The following CTIF variants were observed in gnomAD, a reference collection of about 807,000 sequenced individuals.
CTIF encodes CBP80/20-dependent translation initiation factor.
In CTIF, 21 loss-of-function variants were observed where a neutral mutation model predicts 66.0. The observed-to-expected ratio is 0.32, with a 90% CI of 0.23 to 0.46. CTIF has a LOEUF of 0.46. CTIF is among the 20% of genes least tolerant of loss of function. The pLI, the probability that CTIF is intolerant of heterozygous loss-of-function variation, is 1.00. For missense variants in CTIF, 739 were observed against 812.7 expected (o/e 0.91, Z 1.10); for synonymous variants, 345 against 326.4 (o/e 1.06, Z -0.62).
intron 2 of CTIF, among the ~76,000 whole-genome samples, chr18:48,629,498 G>T (rs1352956786): frequency 1.3e-5 from 2 of 152,010 alleles, no homozygotes; most frequent in Non-Finnish European, 2.9e-5. Flanking sequence ...CAGACATGAT[G>T]CCCCTGTATC....
intron 1 of CTIF, among the ~76,000 whole-genome samples, chr18:48,592,189 T>G (rs1271395436): frequency 5.9e-5 from 9 of 151,926 alleles, no homozygotes; most frequent in Non-Finnish European, 7.4e-5. Context: ...GACCCCAGCT[T>G]CCTGGGTTGG....
rs116796293 is a variant in CTIF, at chr18:48,844,523, G to A, written c.1528-13065G>A. Among the ~76,000 whole-genome samples, 874 of 152,290 alleles carry A rather than the reference G, an allele frequency of 5.7e-3. 9 individuals carry two copies. Among genetic ancestry groups the A allele is most frequent in the African/African-American group, 0.02 (828 of 41,558 alleles). Reference sequence around the variant, plus strand: ...TTTGTACGGGGTGGTTTGCAAGCCCGGCAGGAAGGAGGCTAATTATTCCCT... The same window carrying A: ...TTTGTACGGGGTGGTTTGCAAGCCCAGCAGGAAGGAGGCTAATTATTCCCT... On this transcript the variant is annotated intron_variant, in intron 10 of 11. Transcript: ENST00000256413.
At chr18:48,654,476 A>G (rs1034643789) in intron 3 of CTIF, among the ~76,000 whole-genome samples, 3 of 152,248 alleles carry the variant, frequency 2.0e-5, no homozygotes, top group African/African-American at 7.2e-5. Context: ...AGGAAATAAC[A>G]GATGCTGGAG....
chr18:48,681,064 C>T (rs761735612), intron 6 of CTIF, among the ~76,000 whole-genome samples: 1 of 152,238 alleles, frequency 6.6e-6, no homozygotes, highest in Non-Finnish European at 1.5e-5. Context: ...CACACTGACT[C>T]TTACTGGCTG....
At chr18:48,826,629 T>C (rs2068587591) in intron 10 of CTIF, 1 of 152,300 alleles carries the variant, frequency 6.6e-6, no homozygotes. Context: ...GACCCTTTCT[T>C]GGTTGCTTTT....
chr18:48,775,363 TTTGATGA>T (rs1910570974), intron 9 of CTIF, among the ~76,000 whole-genome samples: 1 of 152,252 alleles, frequency 6.6e-6, no homozygotes, highest in Admixed American at 6.5e-5. Context: ...TCCTTTTCCT[TTTGATGA>T]TTCCATTCAT....
At chr18:48,677,704 G>A (rs905264600) in intron 6 of CTIF, among the ~76,000 whole-genome samples, 7 of 152,072 alleles carry the variant, frequency 4.6e-5, no homozygotes, top group African/African-American at 1.7e-4. Context: ...TCCCTGCAGC[G>A]CCTGTCGCAT....
chr18:48,600,564 A>AAGTGT (rs1474157565), intron 1 of CTIF, among the ~76,000 whole-genome samples: 2 of 151,812 alleles, frequency 1.3e-5, no homozygotes, highest in Non-Finnish European at 2.9e-5. Context: ...TGCCTGGCAG[A>AAGTGT]CACTGAGGAA....
At chr18:48,607,287 C>T (rs926826379) in intron 1 of CTIF, among the ~76,000 whole-genome samples, 3 of 152,142 alleles carry the variant, frequency 2.0e-5, no homozygotes, top group African/African-American at 4.8e-5. Flanking sequence ...GCTGTAAGAG[C>T]GCTGGGCACC....
chr18:48,747,318 C>T (rs1366647426), intron 7 of CTIF, among the ~76,000 whole-genome samples: 1 of 152,232 alleles, frequency 6.6e-6, no homozygotes, highest in African/African-American at 2.4e-5. Flanking sequence ...CATCTTCTGC[C>T]CCAGCAAGCT....
intron 3 of CTIF, among the ~76,000 whole-genome samples, chr18:48,637,920 G>A (rs1343761619): frequency 2.0e-5 from 3 of 152,064 alleles, no homozygotes; most frequent in Admixed American, 6.5e-5. Context: ...GAGCCTCGAC[G>A]GCCTCTGAGG....
intron 6 of CTIF, among the ~76,000 whole-genome samples, chr18:48,690,169 G>A (rs566059068): frequency 3.3e-5 from 5 of 151,204 alleles, no homozygotes; most frequent in African/African-American, 1.2e-4. Context: ...ACCCCACCCC[G>A]TCCTTCACCA....
At chr18:48,592,784 C>T (rs1599203603) in intron 1 of CTIF, among the ~76,000 whole-genome samples, 1 of 152,188 alleles carries the variant, frequency 6.6e-6, no homozygotes, top group East Asian at 1.9e-4. Flanking sequence ...ACTAATCGCT[C>T]TCATCAGCCG....
Position 48,608,490 on chromosome 18 carries a change from G to A in CTIF, c.-28-11048G>A, listed in dbSNP as rs561992140. The stretch of plus-strand genomic sequence containing the variant: ...GGCGGTCATCGAAAGTGGTGGGGGG[G>A]TGGGGGCAGGCAGAAGCCCAAGGGC... On this transcript the variant is annotated intron_variant, in intron 1 of 11. Coordinates refer to ENST00000256413, the MANE Select transcript of CTIF (RefSeq NM_014772.3). 1.3e-4 allele frequency among the ~76,000 whole-genome samples: 20 copies of A among 152,100 alleles called. No homozygotes were observed. The East Asian group carries it at 2.9e-3, about 22-fold the overall frequency.
chr18:48,693,003 G>C (rs2091953637), intron 6 of CTIF, among the ~76,000 whole-genome samples: 1 of 152,216 alleles, frequency 6.6e-6, no homozygotes, highest in African/African-American at 2.4e-5. Context: ...GCAGGACTTG[G>C]TCAACATTTT....
intron 7 of CTIF, among the ~76,000 whole-genome samples, chr18:48,745,963 A>G (rs960856163): frequency 1.3e-5 from 2 of 152,240 alleles, no homozygotes; most frequent in Non-Finnish European, 1.5e-5. Flanking sequence ...TCTCCTTCCC[A>G]GGATGGAAAA....
At chr18:48,694,167 G>A (rs766745392) in intron 6 of CTIF, among the ~76,000 whole-genome samples, 6 of 152,202 alleles carry the variant, frequency 3.9e-5, no homozygotes, top group Admixed American at 6.5e-5. Flanking sequence ...TAGGGTGCCC[G>A]GCAGATGTTA....
chr18:48,820,633 C>T (rs2068462880), intron 10 of CTIF, among the ~76,000 whole-genome samples: 1 of 152,198 alleles, frequency 6.6e-6, no homozygotes, highest in South Asian at 2.1e-4. Flanking sequence ...CAGGCCCCCA[C>T]CCATGCTGCC....
At chr18:48,739,260 A>G (rs2092533160) in intron 7 of CTIF, among the ~76,000 whole-genome samples, 1 of 152,180 alleles carries the variant, frequency 6.6e-6, no homozygotes, top group Non-Finnish European at 1.5e-5. Context: ...CAGAGTTAGC[A>G]CAGGCCACAG....
Sources: gnomAD v4.1 joint callset for allele counts (sites outside exome capture counted in the v4.1 genomes callset) on GRCh38, gnomAD v4.1.1 for gene constraint, MANE v1.5 for transcripts, NCBI Gene and HGNC (gene_info 2026-07-23, HGNC 2026-07-21) for gene names.